EPHA3: variants seen among roughly 807,000 people sequenced by gnomAD.
EPHA3 encodes the protein EPH receptor A3.
A neutral mutation model predicts 107.1 loss-of-function variants in EPHA3; 42 were observed. The ratio of observed to expected loss-of-function variants is 0.39; its 90% CI spans 0.31 to 0.51. The LOEUF is 0.51. EPHA3 is among the 20% of genes least tolerant of loss of function. The pLI is 0.78. For synonymous variants in EPHA3, 461 were observed against 424.8 expected (o/e 1.09, Z -1.05); for missense variants, 1,183 against 1,211.2 (o/e 0.98, Z 0.35).
rs1705020051 is a variant in EPHA3, at chr3:89,245,878, T to C, written c.814+35358T>C. On this transcript the variant is annotated intron_variant, in intron 3 of 16. Coordinates refer to ENST00000336596, the MANE Select transcript of EPHA3 (RefSeq NM_005233.6). ...CTTTTCTAATTCCTTGCTTGTGATG[T>C]AAAGGTAAGAGGATAATAAGGTTAC... Among the ~76,000 whole-genome samples the C allele has an allele frequency of 2.6e-5, 4 of 152,312 alleles. No homozygotes were observed. The South Asian group carries it at 6.2e-4, about 24-fold the overall frequency.
Position 89,450,336 on chromosome 3 carries a change from G to A in EPHA3, c.2656G>A (p.Gly886Ser), listed in dbSNP as rs373736475. ...SILDKLIRNPGSLKIITSAAA... is the reference protein window; with the variant it reads ...SILDKLIRNPSSLKIITSAAA... ...TCTGGACAAGCTTATCCGGAATCCC[G>A]GCAGCCTGAAGATCATCACCAGTGC... is the stretch of plus-strand genomic sequence containing the variant. The change falls in exon 15 of 17, where the codon GGC becomes AGC. Residue 886 changes from glycine to serine, a missense_variant. Transcript: ENST00000336596. 6.2e-6 allele frequency: 10 copies of A among 1,613,498 alleles called. No individual in the cohort carries two copies. Among genetic ancestry groups the A allele is most frequent in the South Asian group, 2.2e-5 (2 of 90,922 alleles).
chr3:89,226,457 C>T (rs772572709), intron 3 of EPHA3, among the ~76,000 whole-genome samples: 3 of 152,088 alleles, frequency 2.0e-5, no homozygotes, highest in African/African-American at 7.2e-5. Flanking sequence ...GGAATCCAGA[C>T]AACTGAAGGT....
chr3:89,258,149 A>T (rs1705329379), intron 3 of EPHA3, among the ~76,000 whole-genome samples: 1 of 152,158 alleles, frequency 6.6e-6, no homozygotes, highest in Non-Finnish European at 1.5e-5. Context: ...TTTGATCAGG[A>T]GGAAATAATC....
At chr3:89,418,001 C>A (rs1169528838) in intron 10 of EPHA3, among the ~76,000 whole-genome samples, 1 of 151,204 alleles carries the variant, frequency 6.6e-6, no homozygotes, top group African/African-American at 2.4e-5. Context: ...ATGTAGCTGG[C>A]AAATCAATAG....
In EPHA3 at chr3:89,342,858, TACACAC is replaced by T. The variant is rs144807058; in HGVS notation, c.1306+800_1306+805del. Among the ~76,000 whole-genome samples the T allele has an allele frequency of 6.5e-3, 900 of 139,306 alleles. 8 individuals carry two copies. The highest frequency in any genetic ancestry group is 0.022 in the African/African-American group (826 of 38,252). The allele number at this position is 139,306 out of a possible 152,430, so 91.4% of individuals were successfully genotyped here. ...GATATTATTGTCTTATTTTTACACA[TACACAC>T]ACACACACACACACACACACACACA... On this transcript the variant is annotated intron_variant, in intron 5 of 16. Transcript: ENST00000336596.
intron 2 of EPHA3, among the ~76,000 whole-genome samples, chr3:89,195,299 A>G (rs1215847439): frequency 6.6e-6 from 1 of 152,028 alleles, no homozygotes; most frequent in African/African-American, 2.4e-5. Flanking sequence ...CAGGTTCATA[A>G]AAAACAGGAA....
intron 3 of EPHA3, among the ~76,000 whole-genome samples, chr3:89,237,685 G>T (rs1704799611): frequency 6.6e-6 from 1 of 152,138 alleles, no homozygotes; most frequent in Non-Finnish European, 1.5e-5. Context: ...TGAGGAATGG[G>T]CTGGGTGCCA....
chr3:89,168,700 A>T lies in EPHA3; in HGVS notation c.154-41160A>T, dbSNP rs529516617. Among the ~76,000 whole-genome samples, 713 of 152,196 alleles carry T rather than the reference A, an allele frequency of 4.7e-3. 3 individuals are homozygous for T. Among genetic ancestry groups the T allele is most frequent in the African/African-American group, 0.016 (676 of 41,568 alleles). The stretch of plus-strand genomic sequence containing the variant: ...AATAGAGAAGCTTTAAATTTTTCAT[A>T]TGATAATTAGTAATTTTTTCTAAAT... On this transcript the variant is annotated intron_variant, in intron 2 of 16. Transcript: ENST00000336596.
chr3:89,284,323 G>GA (rs1706026023), intron 3 of EPHA3, among the ~76,000 whole-genome samples: 1 of 151,928 alleles, frequency 6.6e-6, no homozygotes, highest in Non-Finnish European at 1.5e-5. Context: ...GGAAGCTATT[G>GA]AAAAAAATAA....
At chr3:89,204,617 T>TGTGTGA (rs1706056918) in intron 2 of EPHA3, among the ~76,000 whole-genome samples, 1 of 151,542 alleles carries the variant, frequency 6.6e-6, no homozygotes, top group Admixed American at 6.6e-5. Flanking sequence ...AATGTGTGTG[T>TGTGTGA]GTGTGTGTGT....
chr3:89,293,903 G>A (rs1266625128), intron 3 of EPHA3, among the ~76,000 whole-genome samples: 2 of 152,064 alleles, frequency 1.3e-5, no homozygotes, highest in Non-Finnish European at 2.9e-5. Context: ...TAGTGTGAAA[G>A]CAATCACAAA....
chr3:89,385,415 G>C (rs1053534494), intron 5 of EPHA3, among the ~76,000 whole-genome samples: 1 of 152,154 alleles, frequency 6.6e-6, no homozygotes, highest in Non-Finnish European at 1.5e-5. Context: ...TCATCATAGT[G>C]AGTTCTCGCA....
chr3:89,441,729 C>T (rs190279256), intron 13 of EPHA3, among the ~76,000 whole-genome samples: 53 of 152,200 alleles, frequency 3.5e-4, no homozygotes, highest in African/African-American at 1.2e-3. Flanking sequence ...TGGTCACAAT[C>T]AAGAACAGAA....
chr3:89,227,336 T>G (rs1202332643), intron 3 of EPHA3, among the ~76,000 whole-genome samples: 1 of 152,034 alleles, frequency 6.6e-6, no homozygotes, highest in Non-Finnish European at 1.5e-5. Context: ...TTGGAGGTTC[T>G]GAAAATTGAC....
chr3:89,226,403 G>C (rs1205887091), intron 3 of EPHA3, among the ~76,000 whole-genome samples: 2 of 152,026 alleles, frequency 1.3e-5, no homozygotes, highest in Admixed American at 6.6e-5. Flanking sequence ...CCTTACTATG[G>C]GGAAACGTTA....
At chr3:89,293,080 A>C (rs980169676) in intron 3 of EPHA3, among the ~76,000 whole-genome samples, 10 of 152,080 alleles carry the variant, frequency 6.6e-5, no homozygotes, top group African/African-American at 2.4e-4. Context: ...TTTAATTTGC[A>C]TTTCCATAAA....
At chr3:89,148,453 T>A (rs1263394279) in intron 2 of EPHA3, among the ~76,000 whole-genome samples, 1 of 151,980 alleles carries the variant, frequency 6.6e-6, no homozygotes, top group Non-Finnish European at 1.5e-5. Flanking sequence ...AATTTATGAA[T>A]AAATTAAGAT....
chr3:89,141,593 C>T (rs561072365), intron 2 of EPHA3, among the ~76,000 whole-genome samples: 2 of 151,652 alleles, frequency 1.3e-5, no homozygotes, highest in Non-Finnish European at 3.0e-5. Flanking sequence ...TGGTGCTTGT[C>T]CAAAGATCAC....
intron 2 of EPHA3, among the ~76,000 whole-genome samples, chr3:89,136,632 T>C (rs1704322392): frequency 6.6e-6 from 1 of 151,746 alleles, no homozygotes; most frequent in Non-Finnish European, 1.5e-5. Flanking sequence ...TTCTTTTACT[T>C]TGATGTAAGC....
Sources: allele counts gnomAD v4.1 joint callset (sites outside exome capture counted in the v4.1 genomes callset), GRCh38; gene constraint gnomAD v4.1.1; transcripts MANE v1.5; gene names NCBI Gene and HGNC (gene_info 2026-07-23, HGNC 2026-07-21).